Variants in HERC2 observed in about 807,000 individuals in gnomAD.
HERC2 encodes E3 ubiquitin-protein ligase HERC2.
HERC2 carries 102 observed loss-of-function variants against 537.7 expected under a neutral mutation model. The observed-to-expected ratio is 0.19, with a 90% CI of 0.16 to 0.22. The LOEUF (loss-of-function observed/expected upper bound fraction) is 0.22, where lower values mean the gene tolerates loss of function less well. Among genes scored for constraint, HERC2 ranks in the 10% least tolerant of loss-of-function variants. The pLI is 1.00. For synonymous variants in HERC2, 2,224 were observed against 2,466.2 expected (o/e 0.90, Z 2.91); for missense variants, 4,236 against 6,198.2 (o/e 0.68, Z 10.63).
At chr15:28,209,544 C>A (rs908089512) in intron 44 of HERC2, among the ~76,000 whole-genome samples, 20 of 152,064 alleles carry the variant, frequency 1.3e-4, no homozygotes, top group Non-Finnish European at 2.8e-4. Flanking sequence ...GGAGTTTCAC[C>A]GTGTTAGCCA....
chr15:28,264,670 A>G (rs1258657880), intron 14 of HERC2, among the ~76,000 whole-genome samples: 1 of 152,238 alleles, frequency 6.6e-6, no homozygotes, highest in Non-Finnish European at 1.5e-5. Flanking sequence ...AACTTTAACT[A>G]AAGTAGCAAC....
At chr15:28,304,365 TC>T (rs1356741048) in intron 2 of HERC2, among the ~76,000 whole-genome samples, 25 of 150,394 alleles carry the variant, frequency 1.7e-4, no homozygotes, top group African/African-American at 5.9e-4. Context: ...CTTTATTTCT[TC>T]TTTTTTTTTT....
rs991566593 is a variant in HERC2 at position 28,215,881 on chromosome 15, C to T, written c.6029-79G>A. ...TAAAGATATATCCTTATTTTTTTATCAACTTATTTTATTTTTCTAAAATAA... is the reference window on the plus strand; with the variant it reads ...TAAAGATATATCCTTATTTTTTTATTAACTTATTTTATTTTTCTAAAATAA... On this transcript the variant is annotated intron_variant, in intron 38 of 92. Transcript: ENST00000261609. 6 of 971,652 alleles carry T rather than the reference C, an allele frequency of 6.2e-6. No individual in the cohort carries two copies. In the African/African-American group the frequency reaches 8.5e-5, roughly 14 times the overall value. The allele number at this position is 971,652 out of a possible 1,614,324, so 60.2% of individuals were successfully genotyped here.
Position 28,229,876 on chromosome 15 carries a change from A to G in HERC2, c.4810-29T>C, listed in dbSNP as rs566077306. The G allele has an allele frequency of 4.9e-6, 4 of 814,336 alleles. No individual in the cohort carries two copies. The Admixed American group carries it at 7.7e-5, about 16-fold the overall frequency. 50.4% of individuals were successfully genotyped at this position (814,336 alleles called of 1,614,324 possible). On this transcript the variant is annotated intron_variant, in intron 31 of 92. Coordinates refer to ENST00000261609, the MANE Select transcript of HERC2 (RefSeq NM_004667.6). ...ACAAAGGAAAACAATTTTCATCATTAGTCTACCCTATTTAATAATAAACTG... is the reference window on the plus strand; with the variant it reads ...ACAAAGGAAAACAATTTTCATCATTGGTCTACCCTATTTAATAATAAACTG...
intron 81 of HERC2, 36 bp downstream of exon 81, chr15:28,132,064 T>A: frequency 6.5e-7 from 1 of 1,532,294 alleles, no homozygotes; most frequent in Non-Finnish European, 8.8e-7. Context: ...TGCGGTGAGC[T>A]GGGAGAGCAC....
chr15:28,112,998 T>G, intron 92 of HERC2, 73 bp downstream of exon 92: 1 of 1,212,842 alleles, frequency 8.2e-7, no homozygotes, highest in East Asian at 2.5e-5. Flanking sequence ...GCTGCAGGAC[T>G]GTGGGTGAGG....
At chr15:28,261,021 G>A in intron 15 of HERC2, 51 bp from the exon 16 acceptor site, 1 of 1,397,188 alleles carries the variant, frequency 7.2e-7, no homozygotes, top group African/African-American at 1.4e-5. Flanking sequence ...GACTTCCGCT[G>A]CAAGAAAGAT....
At chr15:28,276,842 GA>G (rs1361675368) in intron 5 of HERC2, among the ~76,000 whole-genome samples, 2 of 152,234 alleles carry the variant, frequency 1.3e-5, no homozygotes, top group East Asian at 3.9e-4. Context: ...TGTGCTGAGT[GA>G]AAAAAGTCAA....
chr15:28,206,819 C>G (rs1271403749), intron 44 of HERC2, among the ~76,000 whole-genome samples: 1 of 119,932 alleles, frequency 8.3e-6, no homozygotes, highest in Non-Finnish European at 1.7e-5. Flanking sequence ...GGCGACAGAC[C>G]AAGACTCGGT....
intron 44 of HERC2, among the ~76,000 whole-genome samples, chr15:28,208,069 A>G (rs2238289): frequency 0.32 from 48,985 of 152,094 alleles, 12,061 homozygotes; most frequent in East Asian, 0.73. Context: ...TCCAATTCCC[A>G]GGCTCCAATC....
In HERC2 at chr15:28,272,999, A is replaced by G. The variant is rs2075779996; in HGVS notation, c.806T>C (p.Val269Ala). 1.2e-6 allele frequency: 2 copies of G among 1,611,958 alleles called. No homozygotes were observed. The highest frequency in any genetic ancestry group is 1.7e-5 in the Admixed American group (1 of 60,012). Reference protein sequence around the residue: ...RFLRSVVTGDVHGTPATKGPG... With the variant: ...RFLRSVVTGDAHGTPATKGPG... ...CCCTTTGGTGGCTGGCGTTCCGTGA[A>G]CATCCCTGAAATGAAAGCAGTGGAT... Residue 269 changes from valine (V) to alanine (A), a missense_variant, in exon 8 of 93, where the codon GTT (valine) becomes GCT (alanine). Transcript: ENST00000261609.
At chr15:28,286,226 T>G (rs1215123901) in intron 4 of HERC2, among the ~76,000 whole-genome samples, 1 of 151,854 alleles carries the variant, frequency 6.6e-6, no homozygotes, top group Non-Finnish European at 1.5e-5. Flanking sequence ...AAGCTAATAT[T>G]AGAAGCTAAT....
chr15:28,117,885 G>C (rs559734022), intron 86 of HERC2: 23 of 299,710 alleles, frequency 7.7e-5, no homozygotes, highest in Non-Finnish European at 1.4e-4. Flanking sequence ...GCAGGTGGCC[G>C]AGGCTGTGCA....
At chr15:28,271,617 C>A (rs550369229) in intron 9 of HERC2, among the ~76,000 whole-genome samples, 1 of 151,838 alleles carries the variant, frequency 6.6e-6, no homozygotes, top group Non-Finnish European at 1.5e-5. Context: ...TGCAGTGAGC[C>A]GAGATCACGC....
At chr15:28,206,632 G>T (rs1282100583) in intron 44 of HERC2, among the ~76,000 whole-genome samples, 1 of 151,660 alleles carries the variant, frequency 6.6e-6, no homozygotes, top group East Asian at 1.9e-4. Flanking sequence ...AGGATATCAA[G>T]ACCATCCTGG....
intron 86 of HERC2, among the ~76,000 whole-genome samples, chr15:28,119,872 T>C (rs1247853143): frequency 1.3e-5 from 2 of 152,192 alleles, no homozygotes; most frequent in African/African-American, 4.8e-5. Context: ...ATGTAATGAC[T>C]TCTTAAAAAT....
chr15:28,115,567 G>C, intron 88 of HERC2, 26 bp from the exon 89 acceptor site: 1 of 1,548,030 alleles, frequency 6.5e-7, no homozygotes, highest in Non-Finnish European at 8.9e-7. Context: ...ACAAGTGACA[G>C]AGGACACTTC....
rs916550631 is a variant in HERC2 at position 28,133,843 on chromosome 15, T to C, written c.12231-1013A>G. ...TTCCCTATTCTGCTCCATTGATGTA[T>C]CTGTCTCTCTCTTTTTGCCAGCACC... is the stretch of plus-strand genomic sequence containing the variant. On this transcript the variant is annotated intron_variant, in intron 79 of 92. Transcript: ENST00000261609. Among the ~76,000 whole-genome samples the C allele has an allele frequency of 4.6e-5, 7 of 152,198 alleles. No homozygotes were observed. The South Asian group carries it at 1.2e-3, about 27-fold the overall frequency.
At chr15:28,228,603 AC>A (rs1318499801) in intron 34 of HERC2, among the ~76,000 whole-genome samples, 194 bp from the exon 35 acceptor site, 4 of 152,164 alleles carry the variant, frequency 2.6e-5, no homozygotes, top group Non-Finnish European at 5.9e-5. Flanking sequence ...ATAAGCATTG[AC>A]ACCCACCTAC....
Sources: allele counts gnomAD v4.1 joint callset (sites outside exome capture counted in the v4.1 genomes callset), GRCh38; gene constraint gnomAD v4.1.1; transcripts MANE v1.5; gene names NCBI Gene and HGNC (gene_info 2026-07-23, HGNC 2026-07-21).